Variants in MALRD1 observed in about 807,000 individuals in gnomAD.
MALRD1 encodes the protein MAM and LDL receptor class A domain containing 1.
Under a neutral mutation model 242.1 loss-of-function variants are expected in MALRD1, and 247 were observed. The observed-to-expected ratio is 1.02, with a 90% confidence interval of 0.92 to 1.13. MALRD1 has a LOEUF of 1.13. Ranked by LOEUF, MALRD1 falls within the 50% of genes most tolerant of loss-of-function variation. MALRD1 has a pLI of 0.00. For synonymous variants in MALRD1, 995 were observed against 866.6 expected, an observed-to-expected ratio of 1.15 and a Z score of -2.60; for missense variants, 2,989 against 2,533.1, an observed-to-expected ratio of 1.18 and a Z score of -3.86.
intron 31 of MALRD1, among the ~76,000 whole-genome samples, chr10:19,524,245 G>A (rs968341220): frequency 6.6e-6 from 1 of 152,140 alleles, no homozygotes; most frequent in Admixed American, 6.5e-5. Flanking sequence ...GGGAGGCCAA[G>A]GTGGTGGATC....
chr10:19,458,358 T>C (rs1158901803), intron 29 of MALRD1, among the ~76,000 whole-genome samples: 1 of 152,162 alleles, frequency 6.6e-6, no homozygotes, highest in Non-Finnish European at 1.5e-5. Context: ...CCAACTTACT[T>C]ATCAATATTA....
intron 14 of MALRD1, among the ~76,000 whole-genome samples, chr10:19,195,152 G>C (rs1265084648): frequency 6.6e-6 from 1 of 152,110 alleles, no homozygotes; most frequent in African/African-American, 2.4e-5. Context: ...TAGTGTTCAG[G>C]ATAATCCAGA....
intron 4 of MALRD1, among the ~76,000 whole-genome samples, chr10:19,090,093 A>G: frequency 2.8e-5 from 2 of 72,574 alleles, no homozygotes; most frequent in African/African-American, 7.8e-5. Context: ...TTCCATATGA[A>G]CTTTAAAGTA....
At chr10:19,525,147 C>G (rs1000971476) in intron 31 of MALRD1, among the ~76,000 whole-genome samples, 1 of 151,496 alleles carries the variant, frequency 6.6e-6, no homozygotes, top group African/African-American at 2.4e-5. Flanking sequence ...GCTCCTGCCC[C>G]TAGGTGATCT....
At chr10:19,445,174 T>C (rs1312348347) in intron 28 of MALRD1, among the ~76,000 whole-genome samples, 1 of 152,176 alleles carries the variant, frequency 6.6e-6, no homozygotes, top group East Asian at 1.9e-4. Context: ...TTTAAGGTCT[T>C]ATTTATGCTG....
intron 18 of MALRD1, among the ~76,000 whole-genome samples, chr10:19,212,754 G>A (rs1028842033): frequency 6.6e-6 from 1 of 152,074 alleles, no homozygotes; most frequent in Non-Finnish European, 1.5e-5. Context: ...GCCAGTGCTT[G>A]GCTATTATCA....
chr10:19,386,699 C>T (rs566696333), intron 26 of MALRD1, among the ~76,000 whole-genome samples: 2 of 133,398 alleles, frequency 1.5e-5, no homozygotes, highest in Non-Finnish European at 3.1e-5. Context: ...GATATATATA[C>T]ACACACAAAT....
At chr10:19,410,420 G>A (rs560712538) in intron 28 of MALRD1, among the ~76,000 whole-genome samples, 3 of 152,108 alleles carry the variant, frequency 2.0e-5, no homozygotes, top group South Asian at 2.1e-4. Flanking sequence ...TACTTAAAAC[G>A]TATAGATGAA....
At chr10:19,578,756 A>C (rs1836955990) in intron 33 of MALRD1, among the ~76,000 whole-genome samples, 2 of 152,018 alleles carry the variant, frequency 1.3e-5, no homozygotes, top group Admixed American at 6.6e-5. Context: ...CAGTCCAAGA[A>C]GCAAAATATC....
intron 33 of MALRD1, among the ~76,000 whole-genome samples, chr10:19,580,777 T>G (rs1837079393): frequency 6.6e-6 from 1 of 152,190 alleles, no homozygotes; most frequent in Admixed American, 6.5e-5. Flanking sequence ...ATATTGGACA[T>G]AAGTTCTGGA....
intron 29 of MALRD1, among the ~76,000 whole-genome samples, chr10:19,463,590 G>GACA (rs1564364487): frequency 7.0e-4 from 106 of 151,412 alleles, no homozygotes; most frequent in Admixed American, 4.1e-3. Flanking sequence ...GTGTGTGTGT[G>GACA]TATATACTCT....
intron 18 of MALRD1, among the ~76,000 whole-genome samples, chr10:19,254,710 T>G (rs901894988): frequency 6.6e-6 from 1 of 151,916 alleles, no homozygotes; most frequent in Non-Finnish European, 1.5e-5. Context: ...TATTTAAAGT[T>G]TATAAATTTA....
rs569727359 is a variant in MALRD1 at position 19,686,960 on chromosome 10, G to T, written c.6138-5322G>T. 4.0e-5 allele frequency among the ~76,000 whole-genome samples: 6 copies of T among 151,860 alleles called. No individual in the cohort carries two copies. The South Asian group carries it at 1.0e-3, about 26-fold the overall frequency. ...CCCCATAAAAGCTCAAAATACATCA[G>T]GTCCTCCTGGGATGCTTTTTACTTG... On this transcript the variant is annotated intron_variant, in intron 36 of 39. Coordinates refer to ENST00000454679, the MANE Select transcript of MALRD1 (RefSeq NM_001142308.3).
intron 36 of MALRD1, among the ~76,000 whole-genome samples, chr10:19,662,093 A>G (rs991477779): frequency 2.0e-5 from 3 of 152,190 alleles, no homozygotes; most frequent in Admixed American, 6.6e-5. Flanking sequence ...GTATTTTAAT[A>G]TGAAAGAGTA....
chr10:19,658,879 C>T (rs982023712), intron 36 of MALRD1, among the ~76,000 whole-genome samples: 5 of 152,066 alleles, frequency 3.3e-5, no homozygotes, highest in Non-Finnish European at 5.9e-5. Context: ...TTGAATTTTC[C>T]TAGAAGAATG....
intron 18 of MALRD1, among the ~76,000 whole-genome samples, chr10:19,247,580 T>A (rs1839117694): frequency 6.6e-6 from 1 of 151,892 alleles, no homozygotes; most frequent in African/African-American, 2.4e-5. Flanking sequence ...TATGTCACAT[T>A]TAATGTTCAA....
In MALRD1 at chr10:19,607,776, G is replaced by A; in HGVS notation, c.5945-1G>A. ...TGATCATTATTCTTTTTTTTTTGCA[G>A]CCAACAAAAGCTGTTCTAATGGAGC... On this transcript the variant is annotated splice_acceptor_variant, in intron 34 of 39. Transcript: ENST00000454679. LOFTEE classifies it high-confidence loss of function. The A allele has an allele frequency of 1.3e-6, 2 of 1,533,894 alleles. No individual in the cohort carries two copies. The highest frequency in any genetic ancestry group is 1.4e-5 in the African/African-American group (1 of 71,438).
chr10:19,560,407 G>T (rs1463242369), intron 32 of MALRD1, among the ~76,000 whole-genome samples: 1 of 152,168 alleles, frequency 6.6e-6, no homozygotes, highest in Admixed American at 6.5e-5. Flanking sequence ...GGCAGAGGTT[G>T]CAGTGAGCCA....
chr10:19,467,691 T>C (rs1171565121), intron 29 of MALRD1, among the ~76,000 whole-genome samples: 1 of 52,434 alleles, frequency 1.9e-5, no homozygotes, highest in African/African-American at 5.4e-5. Flanking sequence ...TAAGGCTTTT[T>C]TGGCTTTTTT....
Sources: allele counts gnomAD v4.1 joint callset (sites outside exome capture counted in the v4.1 genomes callset), GRCh38; gene constraint gnomAD v4.1.1; transcripts MANE v1.5; gene names NCBI Gene and HGNC (gene_info 2026-07-23, HGNC 2026-07-21).